The following GLI3 variants were observed in gnomAD, a reference collection of about 807,000 sequenced individuals.
GLI3 encodes the protein transcription activator GLI3.
Under a neutral mutation model 100.8 loss-of-function variants are expected in GLI3, and 20 were observed. The observed-to-expected ratio is 0.20, with a 90% CI of 0.14 to 0.29. The LOEUF (loss-of-function observed/expected upper bound fraction) is 0.29. Ranked by LOEUF, GLI3 falls within the 10% of genes least tolerant of loss-of-function variation. GLI3 has a pLI of 1.00. For missense variants in GLI3, 2,040 were observed against 2,128.5 expected (o/e 0.96, Z 0.82); for synonymous variants, 938 against 860.5 (o/e 1.09, Z -1.58).
chr7:42,141,910 T>C (rs1786576876), intron 3 of GLI3, among the ~76,000 whole-genome samples: 1 of 152,086 alleles, frequency 6.6e-6, no homozygotes, highest in African/African-American at 2.4e-5. Flanking sequence ...ATGGTGACTG[T>C]GATAAGCATC....
At chr7:42,206,117 A>C (rs1283275905) in intron 2 of GLI3, among the ~76,000 whole-genome samples, 1 of 151,928 alleles carries the variant, frequency 6.6e-6, no homozygotes, top group African/African-American at 2.4e-5. Context: ...AAAATACAAA[A>C]ATTAGCCAGG....
upstream of GLI3, among the ~76,000 whole-genome samples, chr7:42,237,340 A>G (rs1788829523): frequency 6.6e-6 from 1 of 151,806 alleles, no homozygotes. Context: ...ATTTGGTTCA[A>G]CCGCGGGAGG....
At chr7:42,071,436 A>T (rs1196480801) in intron 4 of GLI3, among the ~76,000 whole-genome samples, 2 of 152,138 alleles carry the variant, frequency 1.3e-5, no homozygotes. Context: ...GTTTTACTAA[A>T]TCTCCATATT....
chr7:42,232,529 A>G (rs1345755018), intron 1 of GLI3, among the ~76,000 whole-genome samples: 1 of 152,242 alleles, frequency 6.6e-6, no homozygotes, highest in African/African-American at 2.4e-5. Context: ...CACTAACAGA[A>G]ACCATGCAGT....
chr7:42,246,894 C>A (rs1217469995), intron 1 of GLI3, among the ~76,000 whole-genome samples: 4 of 139,896 alleles, frequency 2.9e-5, no homozygotes, highest in African/African-American at 1.1e-4. Context: ...TCCTTGACAC[C>A]TTCTGAGAAT....
At chr7:42,182,662 A>ATATATATATACATGTG (rs1554337072) in intron 2 of GLI3, among the ~76,000 whole-genome samples, 37 of 76,714 alleles carry the variant, frequency 4.8e-4, no homozygotes, top group South Asian at 2.4e-3. Flanking sequence ...ATATATATAT[A>ATATATATATACATGTG]TATATATATA....
intron 3 of GLI3, among the ~76,000 whole-genome samples, chr7:42,124,584 G>C (rs1786081078): frequency 6.6e-6 from 1 of 152,170 alleles, no homozygotes; most frequent in Non-Finnish European, 1.5e-5. Flanking sequence ...AATCATCTCT[G>C]TCCCCAACCA....
chr7:42,136,717 C>T (rs1583589134), intron 3 of GLI3, among the ~76,000 whole-genome samples: 2 of 152,320 alleles, frequency 1.3e-5, no homozygotes, highest in East Asian at 3.9e-4. Flanking sequence ...CAGTTCCTGC[C>T]TCTCTGACAC....
At chr7:42,224,131 G>A (rs559558645) in intron 1 of GLI3, among the ~76,000 whole-genome samples, 1 of 152,116 alleles carries the variant, frequency 6.6e-6, no homozygotes, top group South Asian at 2.1e-4. Context: ...TTTCACTCTG[G>A]TTCATGTTCC....
intron 10 of GLI3, among the ~76,000 whole-genome samples, chr7:42,011,009 A>G (rs1788598182): frequency 6.6e-6 from 1 of 152,202 alleles, no homozygotes; most frequent in African/African-American, 2.4e-5. Flanking sequence ...ATTCCTCTGA[A>G]TCACCATTTA....
intron 2 of GLI3, among the ~76,000 whole-genome samples, chr7:42,221,419 G>A (rs1788484598): frequency 6.6e-6 from 1 of 152,164 alleles, no homozygotes; most frequent in African/African-American, 2.4e-5. Context: ...GTTCTTGCCT[G>A]TTCTCACATT....
intron 3 of GLI3, among the ~76,000 whole-genome samples, chr7:42,090,543 T>C (rs909085194): frequency 6.6e-6 from 1 of 152,182 alleles, no homozygotes; most frequent in Admixed American, 6.5e-5. Context: ...TCAACAACTT[T>C]ATGTGGGTGT....
intron 4 of GLI3, among the ~76,000 whole-genome samples, chr7:42,064,598 TA>T (rs1478509770): frequency 6.6e-6 from 1 of 152,194 alleles, no homozygotes; most frequent in African/African-American, 2.4e-5. Flanking sequence ...TGGGTGAATG[TA>T]ACCAACATAT....
intron 3 of GLI3, among the ~76,000 whole-genome samples, chr7:42,111,376 C>A (rs2128766604): frequency 6.6e-6 from 1 of 152,198 alleles, no homozygotes; most frequent in South Asian, 2.1e-4. Flanking sequence ...GGGGTCAGAT[C>A]AAGGGGTCTG....
At chr7:42,117,587 T>C (rs1443374332) in intron 3 of GLI3, among the ~76,000 whole-genome samples, 10 of 152,110 alleles carry the variant, frequency 6.6e-5, no homozygotes, top group Admixed American at 5.9e-4. Context: ...AGAGAAGACA[T>C]TGAGAACTCC....
intron 1 of GLI3, among the ~76,000 whole-genome samples, chr7:42,263,737 C>T (rs980332119): frequency 5.3e-5 from 8 of 152,070 alleles, no homozygotes; most frequent in Non-Finnish European, 8.8e-5. Flanking sequence ...CGTGAGCCAC[C>T]GCACCCCACC....
At chr7:42,205,831 A>C (rs1248085123) in intron 2 of GLI3, among the ~76,000 whole-genome samples, 2 of 152,184 alleles carry the variant, frequency 1.3e-5, no homozygotes, top group Non-Finnish European at 2.9e-5. Flanking sequence ...CACCAAAGCA[A>C]GTGTGCATTT....
intron 3 of GLI3, among the ~76,000 whole-genome samples, chr7:42,095,140 C>T (rs1320381570): frequency 6.6e-6 from 1 of 152,212 alleles, no homozygotes; most frequent in East Asian, 1.9e-4. Flanking sequence ...AGCATCGGTC[C>T]TCCAACTTGA....
At chr7:42,260,239 CA>C (rs1481273665) in intron 1 of GLI3, among the ~76,000 whole-genome samples, 1 of 152,158 alleles carries the variant, frequency 6.6e-6, no homozygotes, top group Non-Finnish European at 1.5e-5. Context: ...ACAATTTCTA[CA>C]AATAATCTCC....
Sources: allele counts gnomAD v4.1 joint callset (sites outside exome capture counted in the v4.1 genomes callset), GRCh38; gene constraint gnomAD v4.1.1; transcripts MANE v1.5; gene names NCBI Gene and HGNC (gene_info 2026-07-23, HGNC 2026-07-21).